ERC1: variants seen among roughly 807,000 people sequenced by gnomAD.
The protein encoded by ERC1 is ELKS/RAB6-interacting/CAST family member 1, also known as RAB6 interacting protein 2.
ERC1 carries 56 observed loss-of-function variants against 132.0 expected under a neutral mutation model. The observed-to-expected ratio is 0.42, with a 90% CI of 0.34 to 0.53. ERC1 has a LOEUF of 0.53. Among genes scored for constraint, ERC1 ranks in the 20% least tolerant of loss-of-function variants. The pLI is 0.03. For synonymous variants in ERC1, 478 were observed against 476.1 expected, an observed-to-expected ratio of 1.00 and a Z score of -0.05; for missense variants, 1,202 against 1,349.9, an observed-to-expected ratio of 0.89 and a Z score of 1.72.
chr12:1,411,310 C>T (rs1438735141), intron 17 of ERC1, among the ~76,000 whole-genome samples: 5 of 152,208 alleles, frequency 3.3e-5, no homozygotes, highest in Non-Finnish European at 7.3e-5. Context: ...GCCTTGCACT[C>T]CCTGGATTCA....
chr12:1,396,722 G>T (rs188832635), intron 16 of ERC1, among the ~76,000 whole-genome samples: 1 of 152,284 alleles, frequency 6.6e-6, no homozygotes, highest in Admixed American at 6.5e-5. Context: ...TGCAGCAGCT[G>T]CCCAGGGGCT....
intron 16 of ERC1, among the ~76,000 whole-genome samples, chr12:1,379,384 G>A (rs1472537986): frequency 2.0e-5 from 3 of 152,172 alleles, no homozygotes; most frequent in Admixed American, 1.3e-4. Flanking sequence ...TCCAGTGGCA[G>A]CCTCCTAAAA....
intron 8 of ERC1, among the ~76,000 whole-genome samples, chr12:1,179,754 G>C (rs565827966): frequency 1.3e-5 from 2 of 152,006 alleles, no homozygotes; most frequent in African/African-American, 2.4e-5. Flanking sequence ...TGATCTGCCC[G>C]CCTCGGCCTC....
At chr12:1,272,228 G>A (rs2077910294) in intron 14 of ERC1, among the ~76,000 whole-genome samples, 2 of 152,184 alleles carry the variant, frequency 1.3e-5, no homozygotes, top group Non-Finnish European at 2.9e-5. Flanking sequence ...CTGACACGTG[G>A]TAAAGCCATA....
chr12:1,414,392 A>G (rs2092004603), intron 17 of ERC1, among the ~76,000 whole-genome samples: 1 of 152,144 alleles, frequency 6.6e-6, no homozygotes, highest in Admixed American at 6.5e-5. Context: ...GTTTCTTTTT[A>G]TAAAGGCACT....
chr12:1,092,372 G>A (rs1178200167), intron 3 of ERC1, among the ~76,000 whole-genome samples: 2 of 151,728 alleles, frequency 1.3e-5, no homozygotes, highest in Non-Finnish European at 2.9e-5. Context: ...AACACTTGGT[G>A]TCATGTTAAC....
intron 15 of ERC1, among the ~76,000 whole-genome samples, chr12:1,349,360 T>C (rs1203389701): frequency 6.6e-6 from 1 of 152,188 alleles, no homozygotes; most frequent in East Asian, 1.9e-4. Flanking sequence ...TTCGAGATCT[T>C]GGCTTAAAAA....
At chr12:1,301,903 T>C (rs1304383239) in intron 15 of ERC1, among the ~76,000 whole-genome samples, 2 of 152,198 alleles carry the variant, frequency 1.3e-5, no homozygotes, top group African/African-American at 4.8e-5. Context: ...ATGGCTTTAC[T>C]GTTGAATTCT....
chr12:1,181,783 CAAAA>C (rs35973834), intron 9 of ERC1, 138 bp from the exon 10 acceptor site: 100 of 700,148 alleles, frequency 1.4e-4, no homozygotes, highest in South Asian at 4.4e-4. Flanking sequence ...AACTCTGTCT[CAAAA>C]AAAAAAAAAA....
At chr12:1,480,239 G>A (rs2094061380) in intron 18 of ERC1, among the ~76,000 whole-genome samples, 1 of 152,126 alleles carries the variant, frequency 6.6e-6, no homozygotes. Flanking sequence ...AGAATTCATG[G>A]GAGCAAACTT....
At chr12:1,082,324 C>G (rs1942322212) in intron 2 of ERC1, among the ~76,000 whole-genome samples, 1 of 151,874 alleles carries the variant, frequency 6.6e-6, no homozygotes, top group African/African-American at 2.4e-5. Flanking sequence ...CCGTGCCTGG[C>G]CAATTTTTGT....
At chr12:1,009,698 A>AT (rs1263422027) in intron 1 of ERC1, among the ~76,000 whole-genome samples, 4 of 152,332 alleles carry the variant, frequency 2.6e-5, no homozygotes, top group Middle Eastern at 3.4e-3. Context: ...AAAAAGAAAC[A>AT]TAATTTAGTT....
intron 12 of ERC1, among the ~76,000 whole-genome samples, chr12:1,215,246 C>G (rs962981553): frequency 6.6e-6 from 1 of 152,138 alleles, no homozygotes; most frequent in African/African-American, 2.4e-5. Context: ...CTAATCCATA[C>G]TGTTGCTTTT....
rs550283630 is a variant in ERC1, at chr12:1,150,454, GCTAGT to G, written c.1737+8671_1737+8675del. ...CATATAAATTGATCAAATAAAAATA[GCTAGT>G]CTAATGTGTTTTGAGCAGGTATTAC... On this transcript the variant is annotated intron_variant, in intron 8 of 18. Transcript: ENST00000360905. 4.2e-3 allele frequency among the ~76,000 whole-genome samples: 645 copies of G among 152,200 alleles called. 4 individuals carry two copies. The highest frequency in any genetic ancestry group is 6.9e-3 in the Non-Finnish European group (472 of 67,994).
intron 1 of ERC1, among the ~76,000 whole-genome samples, chr12:1,013,624 TAG>T (rs1278502549): frequency 6.6e-6 from 1 of 152,130 alleles, no homozygotes; most frequent in Non-Finnish European, 1.5e-5. Context: ...GTTATACAAC[TAG>T]ATGCGTAGTG....
chr12:1,391,151 T>G (rs1345221931), intron 16 of ERC1: 1 of 152,284 alleles, frequency 6.6e-6, no homozygotes, highest in African/African-American at 2.4e-5. Flanking sequence ...CCTGGACATG[T>G]TGGATGTTAT....
rs542973425 is a variant in ERC1, at chr12:1,246,334, GA to G, written c.2487+9440del. Among the ~76,000 whole-genome samples the G allele has an allele frequency of 4.2e-3, 600 of 144,364 alleles. 2 individuals carry two copies. Among genetic ancestry groups the G allele is most frequent in the Middle Eastern group, 7.0e-3 (2 of 284 alleles). The allele number at this position is 144,364 out of a possible 152,430, so 94.7% of individuals were successfully genotyped here. On this transcript the variant is annotated intron_variant, in intron 13 of 18. Transcript: ENST00000360905. ...AAAAAGAAATGAAACGTGAGCAAAA[GA>G]AAAAAAAAAGATAGTATTTTAATCG... is the stretch of plus-strand genomic sequence containing the variant.
rs1565395749 is a variant in ERC1 at position 1,418,620 on chromosome 12, TTTCTTTCTTTC to T, written c.3024+10376_3024+10386del. Among the ~76,000 whole-genome samples the T allele has an allele frequency of 9.7e-5, 12 of 123,142 alleles. 1 individual carries two copies. Among genetic ancestry groups the T allele is most frequent in the Non-Finnish European group, 1.8e-4 (12 of 64,876 alleles). The allele number at this position is 123,142 out of a possible 152,430, so 80.8% of individuals were successfully genotyped here. ...CTTTCTTTCTTTCTTTCTTTCTTTC[TTTCTTTCTTTC>T]TTTCTTTCTTTCTCTCTCTCTCTCT... On this transcript the variant is annotated intron_variant, in intron 17 of 18. Coordinates refer to ENST00000360905, the MANE Select transcript of ERC1 (RefSeq NM_178040.4).
chr12:1,344,119 G>A lies in ERC1; in HGVS notation c.2781-27714G>A, dbSNP rs543171685. On this transcript the variant is annotated intron_variant, in intron 15 of 18. Coordinates refer to ENST00000360905, the MANE Select transcript of ERC1 (RefSeq NM_178040.4). ...GCCTCCCAAAGTGCTGGGATTACAG[G>A]CGTGAGCCACCGCGCCCAGCCTGTA... Among the ~76,000 whole-genome samples the A allele has an allele frequency of 9.2e-5, 14 of 152,336 alleles. No homozygotes were observed. The East Asian group carries it at 2.7e-3, about 29-fold the overall frequency.
Sources: gnomAD v4.1 joint callset for allele counts (sites outside exome capture counted in the v4.1 genomes callset) on GRCh38, gnomAD v4.1.1 for gene constraint, MANE v1.5 for transcripts, NCBI Gene and HGNC (gene_info 2026-07-23, HGNC 2026-07-21) for gene names.